QTMAN: variants seen among roughly 807,000 people sequenced by gnomAD.
The protein encoded by QTMAN is tRNA-queuosine alpha-mannosyltransferase.
the QTMAN span, among the ~76,000 whole-genome samples, chr2:144,083,285 A>G: frequency 3.5e-4 from 54 of 152,268 alleles, no homozygotes; most frequent in Non-Finnish European, 7.4e-4. Context: ...CATCATGTAA[A>G]AAAGTATTCT....
chr2:144,231,797 T>C, the QTMAN span, among the ~76,000 whole-genome samples: 1 of 151,702 alleles, frequency 6.6e-6, no homozygotes, highest in South Asian at 2.1e-4. Flanking sequence ...CACTGAATAG[T>C]GGTTAATATG....
the QTMAN span, among the ~76,000 whole-genome samples, chr2:144,282,882 A>G: frequency 2.0e-5 from 3 of 152,142 alleles, no homozygotes; most frequent in Non-Finnish European, 2.9e-5. Flanking sequence ...ATAATCAATC[A>G]TGCCTACCTG....
the QTMAN span, among the ~76,000 whole-genome samples, chr2:143,986,069 C>G: frequency 6.6e-6 from 1 of 152,152 alleles, no homozygotes; most frequent in Admixed American, 6.5e-5. Flanking sequence ...TCCACACCAA[C>G]TAGAGGTTTT....
the QTMAN span, among the ~76,000 whole-genome samples, chr2:144,234,595 C>T: frequency 6.6e-6 from 1 of 152,102 alleles, no homozygotes; most frequent in Non-Finnish European, 1.5e-5. Context: ...ATAAATAGAA[C>T]CAAACGTCTA....
At chr2:144,003,542 AG>A in the QTMAN span, among the ~76,000 whole-genome samples, 3 of 152,036 alleles carry the variant, frequency 2.0e-5, no homozygotes, top group East Asian at 5.8e-4. Context: ...AAGACTGGGT[AG>A]AAAGGAGAAA....
the QTMAN span, among the ~76,000 whole-genome samples, chr2:144,109,775 A>C: frequency 2.0e-5 from 3 of 152,200 alleles, no homozygotes; most frequent in Non-Finnish European, 4.4e-5. Flanking sequence ...ATGCAGCCAA[A>C]AGACACATGA....
At chr2:143,955,071 T>A in the QTMAN span, among the ~76,000 whole-genome samples, 1 of 152,156 alleles carries the variant, frequency 6.6e-6, no homozygotes, top group Admixed American at 6.6e-5. Flanking sequence ...TCGCATTATC[T>A]AGCAATAATG....
the QTMAN span, among the ~76,000 whole-genome samples, chr2:144,024,546 T>C: frequency 6.6e-6 from 1 of 152,200 alleles, no homozygotes; most frequent in African/African-American, 2.4e-5. Context: ...GATGGAAGAA[T>C]ATAAAAAGTA....
At chr2:144,105,002 G>A in the QTMAN span, among the ~76,000 whole-genome samples, 4 of 152,238 alleles carry the variant, frequency 2.6e-5, no homozygotes, top group African/African-American at 9.6e-5. Context: ...AACAGAGTCT[G>A]GAGTGGACCT....
At chr2:144,052,211 T>G in the QTMAN span, among the ~76,000 whole-genome samples, 1 of 152,142 alleles carries the variant, frequency 6.6e-6, no homozygotes, top group Non-Finnish European at 1.5e-5. Context: ...GGAATTTATA[T>G]GGAAACTTGG....
chr2:143,949,694 A>AT, the QTMAN span, among the ~76,000 whole-genome samples: 1 of 151,934 alleles, frequency 6.6e-6, no homozygotes, highest in African/African-American at 2.4e-5. Flanking sequence ...CTCCGACTGC[A>AT]TAAGAAAAGT....
At chr2:144,307,116 G>A in the QTMAN span, among the ~76,000 whole-genome samples, 21 of 132,374 alleles carry the variant, frequency 1.6e-4, no homozygotes, top group South Asian at 1.3e-3. Flanking sequence ...AGCCGAGATC[G>A]TGCCACTGCA....
the QTMAN span, among the ~76,000 whole-genome samples, chr2:144,326,323 CA>C: frequency 1.3e-4 from 20 of 152,148 alleles, no homozygotes; most frequent in Non-Finnish European, 2.4e-4. Context: ...AACGGTGGCT[CA>C]CGCCTGTAAT....
the QTMAN span, chr2:144,141,820 T>C: frequency 7.8e-7 from 1 of 1,287,038 alleles, no homozygotes; most frequent in South Asian, 1.4e-5. Context: ...AGAACATCAA[T>C]TTTTATACAT....
chr2:144,179,433 C>T, the QTMAN span, among the ~76,000 whole-genome samples: 1 of 152,164 alleles, frequency 6.6e-6, no homozygotes, highest in East Asian at 1.9e-4. Context: ...TGCCAACCCT[C>T]CAGATATTTT....
the QTMAN span, among the ~76,000 whole-genome samples, chr2:144,134,150 T>C: frequency 2.0e-5 from 3 of 152,314 alleles, no homozygotes; most frequent in East Asian, 5.8e-4. Context: ...ATTACAAATC[T>C]GCTGTTGTTT....
the QTMAN span, chr2:143,941,630 G>T: frequency 2.0e-5 from 3 of 151,166 alleles, no homozygotes; most frequent in Non-Finnish European, 4.4e-5. Flanking sequence ...AGCCGAGATG[G>T]TGCCACTGCA....
At chr2:144,048,661 A>G in the QTMAN span, among the ~76,000 whole-genome samples, 1 of 152,204 alleles carries the variant, frequency 6.6e-6, no homozygotes, top group Non-Finnish European at 1.5e-5. Context: ...ATTTAACTTT[A>G]CTTCATTAGG....
the QTMAN span, among the ~76,000 whole-genome samples, chr2:144,121,102 T>C: frequency 6.6e-6 from 1 of 152,116 alleles, no homozygotes; most frequent in Non-Finnish European, 1.5e-5. Context: ...GGGATGGCAC[T>C]ATGTTCAAGG....
Sources: gnomAD v4.1 joint callset for allele counts (sites outside exome capture counted in the v4.1 genomes callset) on GRCh38, gnomAD v4.1.1 for gene constraint, MANE v1.5 for transcripts, NCBI Gene and HGNC (gene_info 2026-07-23, HGNC 2026-07-21) for gene names.